The following COLGALT2 variants were observed in gnomAD, a reference collection of about 807,000 sequenced individuals.
The protein encoded by COLGALT2 is collagen beta(1-O)galactosyltransferase 2.
COLGALT2 carries 49 observed loss-of-function variants against 73.4 expected under a neutral mutation model. The ratio of observed to expected loss-of-function variants is 0.67; its 90% CI spans 0.53 to 0.85. The LOEUF (loss-of-function observed/expected upper bound fraction) is 0.85. Among genes scored for constraint, COLGALT2 ranks in the 40% least tolerant of loss-of-function variants. The pLI is 0.00. For synonymous variants in COLGALT2, 295 were observed against 307.6 expected, an observed-to-expected ratio of 0.96 and a Z score of 0.43; for missense variants, 722 against 790.2, an observed-to-expected ratio of 0.91 and a Z score of 1.03.
intron 1 of COLGALT2, among the ~76,000 whole-genome samples, chr1:184,001,702 G>A (rs146428636): frequency 4.3e-4 from 65 of 152,116 alleles, no homozygotes; most frequent in African/African-American, 1.3e-3. Context: ...CAGCACATTC[G>A]TGTCACACCA....
intron 8 of COLGALT2, chr1:183,945,939 C>T (rs965628696): frequency 1.0e-4 from 19 of 184,876 alleles, no homozygotes; most frequent in African/African-American, 2.8e-4. Context: ...TTGTGAAGTT[C>T]ACAGCTGCCC....
chr1:183,939,279 T>C (rs886967770), intron 11 of COLGALT2, among the ~76,000 whole-genome samples: 2 of 152,190 alleles, frequency 1.3e-5, no homozygotes, highest in Non-Finnish European at 1.5e-5. Flanking sequence ...GTTTAAAAGA[T>C]GAATTTCAGG....
At chr1:183,986,521 C>G (rs1208760449) in intron 1 of COLGALT2, among the ~76,000 whole-genome samples, 1 of 152,078 alleles carries the variant, frequency 6.6e-6, no homozygotes, top group Admixed American at 6.5e-5. Flanking sequence ...CAATTTCATC[C>G]CTAAATGGCA....
In COLGALT2 at chr1:183,937,658, G is replaced by A. The variant is rs566160466; in HGVS notation, c.*1103C>T. On this transcript the variant is annotated 3_prime_UTR_variant, in exon 12 of 12. Coordinates refer to ENST00000361927, the MANE Select transcript of COLGALT2 (RefSeq NM_015101.4). ...GGAAATTCAGGAGAATCAGATTGCC[G>A]AACCAATGTGTCCACACCCACCACT... The A allele has an allele frequency of 8.1e-6, 8 of 985,400 alleles. No homozygotes were observed. Among genetic ancestry groups the A allele is most frequent in the East Asian group, 1.1e-4 (1 of 8,808 alleles). 61.0% of individuals were successfully genotyped at this position (985,400 alleles called of 1,614,324 possible).
Position 183,953,979 on chromosome 1 carries a change from T to C in COLGALT2, c.1029+783A>G, listed in dbSNP as rs77958624. 2.0e-3 allele frequency among the ~76,000 whole-genome samples: 299 copies of C among 152,282 alleles called. 1 individual carries two copies. Among genetic ancestry groups the C allele is most frequent in the African/African-American group, 6.7e-3 (277 of 41,552 alleles). On this transcript the variant is annotated intron_variant, in intron 7 of 11. Transcript: ENST00000361927. ...AGCTCGAAGCCTGATCTGTTACATA[T>C]CCAGAGTCCATGGAAGAGTTCTCAG...
chr1:183,947,481 G>A (rs961604350), intron 8 of COLGALT2, among the ~76,000 whole-genome samples: 8 of 152,008 alleles, frequency 5.3e-5, no homozygotes, highest in African/African-American at 1.9e-4. Context: ...TCAGAAATGT[G>A]GAATTAAACA....
At chr1:183,979,375 G>T (rs1287928556) in intron 1 of COLGALT2, among the ~76,000 whole-genome samples, 1 of 152,034 alleles carries the variant, frequency 6.6e-6, no homozygotes, top group Non-Finnish European at 1.5e-5. Context: ...TAGAATTCAG[G>T]CCAAAGAGTA....
Position 183,969,334 on chromosome 1 carries a change from G to A in COLGALT2, c.767C>T (p.Pro256Leu), listed in dbSNP as rs779082349. The part of the protein sequence containing the change: ...EASDKLTFYP[P>L]HQDYTWTFDD... ...AAAGGTCCAGGTGTAGTCCTGGTGT[G>A]GGGGGTAGAAAGTCAGCTTGTCCGA... The change falls in exon 5 of 12, where the codon CCA becomes CTA. Residue 256 changes from proline to leucine, a missense_variant. By Grantham distance (98) the Pro-to-Leu change is moderately conservative (BLOSUM62 -3). Coordinates refer to ENST00000361927, the MANE Select transcript of COLGALT2 (RefSeq NM_015101.4). 5 of 1,613,756 alleles carry A rather than the reference G, an allele frequency of 3.1e-6. No homozygotes were observed. Among genetic ancestry groups the A allele is most frequent in the Non-Finnish European group, 4.2e-6 (5 of 1,179,832 alleles).
At chr1:183,962,467 C>T (rs1402282678) in intron 6 of COLGALT2, among the ~76,000 whole-genome samples, 4 of 151,990 alleles carry the variant, frequency 2.6e-5, no homozygotes, top group East Asian at 1.9e-4. Flanking sequence ...CATGGTCTCT[C>T]TTTTCAAACC....
intron 1 of COLGALT2, among the ~76,000 whole-genome samples, chr1:184,001,517 T>C (rs1466415941): frequency 1.3e-5 from 2 of 152,166 alleles, no homozygotes; most frequent in Non-Finnish European, 2.9e-5. Context: ...CTCTCTTTCA[T>C]AGTTTCCATC....
At chr1:183,998,349 G>T (rs1671824068) in intron 1 of COLGALT2, among the ~76,000 whole-genome samples, 1 of 151,990 alleles carries the variant, frequency 6.6e-6, no homozygotes, top group South Asian at 2.1e-4. Flanking sequence ...TTTCTGTTAG[G>T]TTCTTTGATT....
At chr1:183,956,625 C>G (rs1169298150) in intron 6 of COLGALT2, among the ~76,000 whole-genome samples, 1 of 152,174 alleles carries the variant, frequency 6.6e-6, no homozygotes, top group Non-Finnish European at 1.5e-5. Context: ...GGCTGCTGGT[C>G]TCCTTTGGAC....
At chr1:183,962,449 A>G (rs1209871260) in intron 6 of COLGALT2, among the ~76,000 whole-genome samples, 1 of 151,854 alleles carries the variant, frequency 6.6e-6, no homozygotes, top group Non-Finnish European at 1.5e-5. Context: ...ATGAGCCACC[A>G]TGCCAGCCAT....
At chr1:183,982,425 G>A (rs749377901) in intron 1 of COLGALT2, among the ~76,000 whole-genome samples, 1 of 152,170 alleles carries the variant, frequency 6.6e-6, no homozygotes, top group Non-Finnish European at 1.5e-5. Flanking sequence ...CATGAAGAGC[G>A]CAATGAGAGT....
intron 5 of COLGALT2, chr1:183,964,495 C>T (rs907979653): frequency 8.2e-5 from 13 of 159,394 alleles, no homozygotes; most frequent in East Asian, 1.8e-4. Context: ...AACAAAAAAA[C>T]GAAAAAACGA....
Position 183,937,688 on chromosome 1 carries a change from C to CG in COLGALT2, c.*1072dup, listed in dbSNP as rs1194872003. The CG allele has an allele frequency of 5.1e-6, 5 of 985,326 alleles. No individual in the cohort carries two copies. Among genetic ancestry groups the CG allele is most frequent in the Non-Finnish European group, 4.8e-6 (4 of 829,954 alleles). The allele number at this position is 985,326 out of a possible 1,614,324, so 61.0% of individuals were successfully genotyped here. A position where few individuals can be genotyped will look rare whatever the true frequency, so the allele number is the denominator to read the frequency against. On this transcript the variant is annotated 3_prime_UTR_variant, in exon 12 of 12. Transcript: ENST00000361927. ...AATGTGTCCACACCCACCACTCCCC[C>CG]GGGTGCCGTGGAAGTCTGCAACATC...
In COLGALT2 at chr1:184,037,411, C is replaced by T; in HGVS notation, c.-54G>A. The T allele has an allele frequency of 7.7e-7, 1 of 1,303,086 alleles. No individual in the cohort carries two copies. The highest frequency in any genetic ancestry group is 9.7e-7 in the Non-Finnish European group (1 of 1,029,910). The allele number at this position is 1,303,086 out of a possible 1,614,324, so 80.7% of individuals were successfully genotyped here. A position where few individuals can be genotyped will look rare whatever the true frequency, so the allele number is the denominator to read the frequency against. On this transcript the variant is annotated 5_prime_UTR_variant, in exon 1 of 12. Coordinates refer to ENST00000361927, the MANE Select transcript of COLGALT2 (RefSeq NM_015101.4). ...GTCCTGGCGCGAGCGCCCGGCTGGG[C>T]TGCCTGAGGGCGGCGGCGGCTGCCG...
chr1:184,032,374 G>T (rs146241813), intron 1 of COLGALT2, among the ~76,000 whole-genome samples: 23 of 152,278 alleles, frequency 1.5e-4, no homozygotes, highest in Admixed American at 2.6e-4. Flanking sequence ...TTATGTAAAA[G>T]ACACTGTGCA....
intron 6 of COLGALT2, among the ~76,000 whole-genome samples, chr1:183,962,443 G>A (rs1471933908): frequency 6.6e-6 from 1 of 151,944 alleles, no homozygotes; most frequent in Non-Finnish European, 1.5e-5. Context: ...ACAGCCATGA[G>A]CCACCATGCC....
Sources: allele counts gnomAD v4.1 joint callset (sites outside exome capture counted in the v4.1 genomes callset), GRCh38; gene constraint gnomAD v4.1.1; transcripts MANE v1.5; gene names NCBI Gene and HGNC (gene_info 2026-07-23, HGNC 2026-07-21).